The following SSH2 variants were observed in gnomAD, a reference collection of about 807,000 sequenced individuals.
SSH2 encodes the protein protein phosphatase Slingshot homolog 2.
Under a neutral mutation model 135.2 loss-of-function variants are expected in SSH2, and 37 were observed. The observed-to-expected ratio is 0.27, with a 90% CI of 0.21 to 0.36. The LOEUF is 0.36. Among genes scored for constraint, SSH2 ranks in the 10% least tolerant of loss-of-function variants. The pLI, the probability that SSH2 is intolerant of heterozygous loss-of-function variation, is 1.00. For missense variants in SSH2, 1,408 were observed against 1,765.3 expected (o/e 0.80, Z 3.63); for synonymous variants, 628 against 646.2 (o/e 0.97, Z 0.43).
At chr17:29,657,853 G>C (rs1421299829) in intron 11 of SSH2, among the ~76,000 whole-genome samples, 1 of 151,934 alleles carries the variant, frequency 6.6e-6, no homozygotes, top group East Asian at 1.9e-4. Context: ...GGGATTGCAG[G>C]AGTGAACCAC....
intron 1 of SSH2, chr17:29,864,342 G>C (rs998186063): frequency 8.4e-6 from 1 of 119,612 alleles, no homozygotes; most frequent in South Asian, 2.9e-4. Flanking sequence ...TAAATAGATA[G>C]ATAGATTAAA....
chr17:29,703,995 T>G (rs2039097802), intron 3 of SSH2, among the ~76,000 whole-genome samples: 1 of 152,238 alleles, frequency 6.6e-6, no homozygotes, highest in Admixed American at 6.5e-5. Flanking sequence ...TAGGCCTAAA[T>G]TTCCTTATCT....
Position 29,635,979 on chromosome 17 carries a change from C to A in SSH2, c.2251G>T (p.Glu751Ter). 6.2e-7 allele frequency: 1 copy of A among 1,610,642 alleles called. No homozygotes were observed. The highest frequency in any genetic ancestry group is 8.5e-7 in the Non-Finnish European group (1 of 1,177,248). Residue 751 changes from glutamate to a stop codon, truncating the protein, a stop_gained, in exon 15 of 16, where the codon GAA (glutamate) becomes TAA (stop). Coordinates refer to ENST00000540801, the MANE Select transcript of SSH2 (RefSeq NM_001282129.2). LOFTEE classifies it high-confidence loss of function. ...AAGACAGTTTTTACCTTTGACTGTT[C>A]CTCATCCATTGAAGATTCTTCTGAT... ...HASEESSMDE[E>*]QSKAISELVS... is the part of the protein sequence containing the mutation.
At chr17:29,818,267 G>C (rs1484373998) in intron 2 of SSH2, among the ~76,000 whole-genome samples, 14 of 142,008 alleles carry the variant, frequency 9.9e-5, no homozygotes, top group Non-Finnish European at 2.0e-4. Context: ...TTTTTTTTAA[G>C]AGATGGATTC....
intron 3 of SSH2, among the ~76,000 whole-genome samples, chr17:29,742,493 TTTTTTTTC>T (rs1450760714): frequency 1.4e-5 from 2 of 146,958 alleles, no homozygotes; most frequent in Non-Finnish European, 3.0e-5. Flanking sequence ...TTTTTTTTTT[TTTTTTTTC>T]TTTTCAATTT....
chr17:29,692,288 G>T (rs1408430716), intron 5 of SSH2, among the ~76,000 whole-genome samples: 1 of 151,870 alleles, frequency 6.6e-6, no homozygotes, highest in Admixed American at 6.6e-5. Context: ...GTCTACAAAT[G>T]CTCCTTTCAG....
chr17:29,714,079 C>A (rs1403537214), intron 3 of SSH2, among the ~76,000 whole-genome samples: 1 of 152,002 alleles, frequency 6.6e-6, no homozygotes, highest in Non-Finnish European at 1.5e-5. Flanking sequence ...GTCCTGCAGC[C>A]CTAAATTCTA....
At chr17:29,827,401 G>T (rs1479376902) in intron 2 of SSH2, among the ~76,000 whole-genome samples, 1 of 152,132 alleles carries the variant, frequency 6.6e-6, no homozygotes, top group Non-Finnish European at 1.5e-5. Context: ...CCTTGGCAGG[G>T]GCAGAGGGTG....
chr17:29,658,680 C>T (rs1567851146), intron 11 of SSH2, among the ~76,000 whole-genome samples: 2 of 151,892 alleles, frequency 1.3e-5, no homozygotes, highest in South Asian at 4.1e-4. Flanking sequence ...CCAGCCTGAC[C>T]ACCATGGAGA....
intron 3 of SSH2, among the ~76,000 whole-genome samples, chr17:29,790,700 A>G (rs1193305870): frequency 6.6e-6 from 1 of 151,336 alleles, no homozygotes; most frequent in Non-Finnish European, 1.5e-5. Flanking sequence ...GAACAAAGCC[A>G]TCATAGTTTG....
intron 1 of SSH2, among the ~76,000 whole-genome samples, chr17:29,927,966 G>A (rs1404345139): frequency 6.6e-6 from 1 of 152,114 alleles, no homozygotes; most frequent in African/African-American, 2.4e-5. Context: ...TCAAGTTTTG[G>A]CTAATGAAGT....
intron 3 of SSH2, among the ~76,000 whole-genome samples, chr17:29,743,135 T>C (rs183746977): frequency 4.6e-5 from 7 of 152,312 alleles, no homozygotes; most frequent in Admixed American, 4.6e-4. Flanking sequence ...TTTTACTATG[T>C]TGGCCAAGAT....
intron 3 of SSH2, among the ~76,000 whole-genome samples, chr17:29,744,902 T>TGTGTGTGTGTG (rs60678633): frequency 6.7e-6 from 1 of 148,752 alleles, no homozygotes; most frequent in African/African-American, 2.5e-5. Context: ...TGTGTGTGTG[T>TGTGTGTGTGTG]TTAAATAAAC....
chr17:29,656,700 C>T, intron 11 of SSH2, among the ~76,000 whole-genome samples: 1 of 152,010 alleles, frequency 6.6e-6, no homozygotes, highest in Non-Finnish European at 1.5e-5. Flanking sequence ...GCTTTCTTTC[C>T]TTCTTTCCCT....
chr17:29,781,160 A>G (rs1317698219), intron 3 of SSH2, among the ~76,000 whole-genome samples: 1 of 152,196 alleles, frequency 6.6e-6, no homozygotes, highest in African/African-American at 2.4e-5. Flanking sequence ...TCTCAAAGTT[A>G]ATATAGTCTT....
At chr17:29,761,344 T>C (rs1292303600) in intron 3 of SSH2, 1 of 1,087,828 alleles carries the variant, frequency 9.2e-7, no homozygotes, top group Non-Finnish European at 1.1e-6. Context: ...AGGCGCAGGC[T>C]GCGCGTGCAC....
intron 3 of SSH2, among the ~76,000 whole-genome samples, chr17:29,773,564 T>C (rs1374899164): frequency 6.6e-6 from 1 of 152,252 alleles, no homozygotes. Flanking sequence ...AATTTCACTT[T>C]GTAAGATTTC....
At chr17:29,682,881 T>C (rs2038042809) in intron 6 of SSH2, among the ~76,000 whole-genome samples, 1 of 152,218 alleles carries the variant, frequency 6.6e-6, no homozygotes, top group Non-Finnish European at 1.5e-5. Context: ...TTCCTAAATC[T>C]GGTTTACAAG....
chr17:29,924,532 G>A (rs1824530448), intron 1 of SSH2, among the ~76,000 whole-genome samples: 1 of 152,076 alleles, frequency 6.6e-6, no homozygotes, highest in Non-Finnish European at 1.5e-5. Flanking sequence ...CATTAGGAAC[G>A]TATAATAGTA....
Sources: gnomAD v4.1 joint callset for allele counts (sites outside exome capture counted in the v4.1 genomes callset) on GRCh38, gnomAD v4.1.1 for gene constraint, MANE v1.5 for transcripts, NCBI Gene and HGNC (gene_info 2026-07-23, HGNC 2026-07-21) for gene names.